Variants in APBA1 observed in about 807,000 individuals in gnomAD.
APBA1 encodes the protein amyloid-beta A4 precursor protein-binding family A member 1.
In APBA1, 55 loss-of-function variants were observed where a neutral mutation model predicts 86.6. The observed-to-expected ratio is 0.64, with a 90% CI of 0.51 to 0.80. APBA1 has a LOEUF of 0.80. APBA1 is among the 30% of genes least tolerant of loss of function. The probability of loss-of-function intolerance (pLI) is 0.00; values close to 1 mark genes in which losing one functional copy is unlikely to be tolerated. For missense variants in APBA1, 1,090 were observed against 1,183.0 expected, an observed-to-expected ratio of 0.92 and a Z score of 1.15; for synonymous variants, 511 against 493.9, an observed-to-expected ratio of 1.03 and a Z score of -0.46.
At chr9:69,670,357 A>C (rs1823922723) in intron 1 of APBA1, among the ~76,000 whole-genome samples, 1 of 152,224 alleles carries the variant, frequency 6.6e-6, no homozygotes, top group Admixed American at 6.5e-5. Context: ...CTCTGGTGCC[A>C]ACATGTTGTA....
intron 3 of APBA1, 86 bp downstream of exon 3, chr9:69,475,962 T>G: frequency 9.3e-7 from 1 of 1,071,578 alleles, no homozygotes; most frequent in Non-Finnish European, 1.4e-6. Context: ...TCAGGAGCGC[T>G]GTAGGATGCT....
At chr9:69,625,445 T>A (rs578097536) in intron 1 of APBA1, among the ~76,000 whole-genome samples, 1 of 152,294 alleles carries the variant, frequency 6.6e-6, no homozygotes, top group African/African-American at 2.4e-5. Context: ...GGAAGAGGGA[T>A]CTTGTCTGAA....
chr9:69,581,090 TC>T (rs1388875486), intron 1 of APBA1, among the ~76,000 whole-genome samples: 5 of 152,106 alleles, frequency 3.3e-5, no homozygotes. Flanking sequence ...ACAAACGGCG[TC>T]ATCTCCAGAC....
intron 1 of APBA1, among the ~76,000 whole-genome samples, chr9:69,521,412 C>T (rs1836249697): frequency 6.6e-6 from 1 of 152,184 alleles, no homozygotes; most frequent in Admixed American, 6.5e-5. Context: ...CCCCAGGCCA[C>T]ATTCATACTT....
At chr9:69,530,546 T>C (rs1268355812) in intron 1 of APBA1, among the ~76,000 whole-genome samples, 1 of 151,890 alleles carries the variant, frequency 6.6e-6, no homozygotes, top group African/African-American at 2.4e-5. Flanking sequence ...ATGGAAACTA[T>C]AGATACCAGG....
At chr9:69,434,711 TAAA>T (rs61262615) in intron 11 of APBA1, among the ~76,000 whole-genome samples, 1 of 133,914 alleles carries the variant, frequency 7.5e-6, no homozygotes, top group Non-Finnish European at 1.6e-5. Flanking sequence ...CATCTCAATT[TAAA>T]AAAAAAAAAA....
intron 1 of APBA1, among the ~76,000 whole-genome samples, chr9:69,603,116 A>G (rs531956252): frequency 2.0e-5 from 3 of 152,362 alleles, no homozygotes; most frequent in Admixed American, 6.5e-5. Flanking sequence ...AGTTAGCTCC[A>G]GAAGAATCAA....
rs568914551 is a variant in APBA1 at position 69,498,457 on chromosome 9, T to C, written c.1200+17554A>G. 6.3e-4 allele frequency among the ~76,000 whole-genome samples: 96 copies of C among 152,196 alleles called. 1 individual carries two copies. The South Asian group carries it at 7.1e-3, about 11-fold the overall frequency. On this transcript the variant is annotated intron_variant, in intron 2 of 12. Coordinates refer to ENST00000265381, the MANE Select transcript of APBA1 (RefSeq NM_001163.4). ...GAAGGTTGTTTTATGCCACTAAATT[T>C]TGGGGAAATTTGTTACACAGCAATA... is the stretch of plus-strand genomic sequence containing the variant.
At chr9:69,562,366 C>CTTTCT (rs745848913) in intron 1 of APBA1, among the ~76,000 whole-genome samples, 1 of 150,842 alleles carries the variant, frequency 6.6e-6, no homozygotes, top group Non-Finnish European at 1.5e-5. Flanking sequence ...CCTAGATTTT[C>CTTTCT]TTTCTTTTCT....
intron 1 of APBA1, among the ~76,000 whole-genome samples, chr9:69,586,965 A>T (rs1822031978): frequency 6.6e-6 from 1 of 152,266 alleles, no homozygotes; most frequent in Non-Finnish European, 1.5e-5. Flanking sequence ...TGCTTCTGGT[A>T]GAGACCATTG....
intron 1 of APBA1, among the ~76,000 whole-genome samples, chr9:69,580,586 A>G (rs1428602762): frequency 6.6e-6 from 1 of 152,178 alleles, no homozygotes; most frequent in African/African-American, 2.4e-5. Flanking sequence ...ATATCTCCTC[A>G]TGGTGGTATG....
At chr9:69,489,569 T>C (rs1049367684) in intron 2 of APBA1, among the ~76,000 whole-genome samples, 3 of 152,068 alleles carry the variant, frequency 2.0e-5, no homozygotes, top group Non-Finnish European at 4.4e-5. Context: ...TTTCCCAACC[T>C]ACTCATCTGA....
intron 10 of APBA1, among the ~76,000 whole-genome samples, chr9:69,448,141 C>T (rs906761652): frequency 5.9e-5 from 9 of 152,194 alleles, no homozygotes; most frequent in East Asian, 5.8e-4. Context: ...AACTTCCAAA[C>T]GCCACTTCCC....
chr9:69,445,720 G>A (rs1834895977), intron 10 of APBA1, among the ~76,000 whole-genome samples: 1 of 152,134 alleles, frequency 6.6e-6, no homozygotes, highest in Non-Finnish European at 1.5e-5. Context: ...CAAAAAATAA[G>A]GTAGGAAGAG....
At chr9:69,515,701 G>A (rs1323305925) in intron 2 of APBA1, among the ~76,000 whole-genome samples, 2 of 110,648 alleles carry the variant, frequency 1.8e-5, no homozygotes, top group Non-Finnish European at 3.7e-5. Context: ...GGGGGGGGGG[G>A]GGGCGGGGGG....
At chr9:69,476,421 T>C (rs1835448293) in intron 2 of APBA1, among the ~76,000 whole-genome samples, 1 of 152,166 alleles carries the variant, frequency 6.6e-6, no homozygotes, top group African/African-American at 2.4e-5. Context: ...ACAGAAAAGG[T>C]TGAAATTAAA....
chr9:69,449,797 C>T lies in APBA1; in HGVS notation c.1969-1G>A, dbSNP rs1489341324. The T allele has an allele frequency of 6.2e-7, 1 of 1,606,620 alleles. No homozygotes were observed. The highest frequency in any genetic ancestry group is 1.7e-5 in the Admixed American group (1 of 59,902). ...CTCCTTTCTGCTTCTCTATGAAAAC[C>T]TGGAAGGAGAAAAACATTTAGAAAA... On this transcript the variant is annotated splice_acceptor_variant, in intron 9 of 12. Transcript: ENST00000265381. LOFTEE classifies it high-confidence loss of function.
intron 1 of APBA1, among the ~76,000 whole-genome samples, chr9:69,523,491 A>ATG (rs1836290399): frequency 3.8e-4 from 5 of 13,168 alleles, no homozygotes; most frequent in African/African-American, 6.5e-4. Context: ...ATATATATAT[A>ATG]TATATGTATA....
At chr9:69,458,238 G>A (rs1443992818) in intron 5 of APBA1, 50 bp from the exon 6 acceptor site, 5 of 1,546,874 alleles carry the variant, frequency 3.2e-6, no homozygotes, top group Non-Finnish European at 3.5e-6. Context: ...GAAAGAATGT[G>A]TAGAGACTCA....
Sources: allele counts gnomAD v4.1 joint callset (sites outside exome capture counted in the v4.1 genomes callset), GRCh38; gene constraint gnomAD v4.1.1; transcripts MANE v1.5; gene names NCBI Gene and HGNC (gene_info 2026-07-23, HGNC 2026-07-21).